The following KDM6A variants were observed in gnomAD, a reference collection of about 807,000 sequenced individuals.
The protein encoded by KDM6A is lysine demethylase 6A, also known as lysine-specific demethylase 6A.
Under a neutral mutation model 117.6 loss-of-function variants are expected in KDM6A, and 11 were observed. That is an observed-to-expected ratio of 0.09 (90% CI 0.06 to 0.15). The LOEUF (loss-of-function observed/expected upper bound fraction) is 0.15, where lower values mean the gene tolerates loss of function less well. Among genes scored for constraint, KDM6A ranks in the 10% least tolerant of loss-of-function variants. The probability of loss-of-function intolerance (pLI) is 1.00; values close to 1 mark genes in which losing one functional copy is unlikely to be tolerated. For missense variants in KDM6A, 799 were observed against 1,077.3 expected (o/e 0.74, Z 3.62); for synonymous variants, 384 against 396.1 (o/e 0.97, Z 0.36).
At position 45,053,954 on chromosome X, in the gene KDM6A, A is replaced by C; in HGVS notation, c.874A>C (p.Arg292=). ...TGGCCAGTCCTGGTATTTCCTCGGA[A>C]GGTGAGACTTACCAGACATTTATGT... ...NSGQSWYFLG[R]CYSSIGKVQD... Residue 292 remains arginine, a splice_region_variant and synonymous_variant, in exon 10 of 30, where the codon AGG becomes CGG. Transcript: ENST00000611820. 1 of 1,208,157 alleles carries C rather than the reference A, an allele frequency of 8.3e-7. No homozygotes were observed. The highest frequency in any genetic ancestry group is 1.1e-6 in the Non-Finnish European group (1 of 892,189).
At chrX:45,083,646 A>G (rs754097716) in intron 24 of KDM6A, 38 bp downstream of exon 24, 15 of 1,103,336 alleles carry the variant, frequency 1.4e-5, no homozygotes, top group Non-Finnish European at 1.7e-5. Context: ...TTAAAATGGA[A>G]AACAAAATCA....
At chrX:45,105,049 A>G (rs927258149) in intron 27 of KDM6A, among the ~76,000 whole-genome samples, 1 of 111,641 alleles carries the variant, frequency 9.0e-6, no homozygotes, top group Non-Finnish European at 1.9e-5. Flanking sequence ...AAGTAGCCTG[A>G]TACTCCATAG....
At chrX:45,106,311 A>T (rs2046529135) in intron 27 of KDM6A, among the ~76,000 whole-genome samples, 1 of 111,482 alleles carries the variant, frequency 9.0e-6, no homozygotes. Flanking sequence ...ACGGGTTCTG[A>T]TACATAACAA....
Position 45,089,972 on chromosome X carries a change from G to A in KDM6A, c.3892+42G>A, listed in dbSNP as rs186387742. ...GCTTTAAAAAAGTTAATTTATAAAG[G>A]ATTATATCCAATAGGACTGTTCCTT... On this transcript the variant is annotated intron_variant, in intron 26 of 29. Coordinates refer to ENST00000611820, the MANE Select transcript of KDM6A (RefSeq NM_001291415.2). The A allele has an allele frequency of 1.2e-3, 1,290 of 1,071,727 alleles. 1 individual carries two copies. Among genetic ancestry groups the A allele is most frequent in the Non-Finnish European group, 1.4e-3 (1,084 of 778,863 alleles). The allele number at this position is 1,071,727 out of a possible 1,213,427, so 88.3% of individuals were successfully genotyped here.
intron 28 of KDM6A, 122 bp downstream of exon 28, chrX:45,107,658 A>G: frequency 1.5e-6 from 1 of 651,450 alleles, no homozygotes; most frequent in Non-Finnish European, 2.3e-6. Context: ...AGTAATTAAC[A>G]TTGGATTCAA....
Position 44,961,199 on chromosome X carries a change from T to C in KDM6A, c.226-85T>C, listed in dbSNP as rs192222292. On this transcript the variant is annotated intron_variant, in intron 2 of 29. Transcript: ENST00000611820. ...AATATTGACTTCTTAGGTGATCGAA[T>C]GGAGGCTATATGCATTATCTTGGGG... 98 of 623,655 alleles carry C rather than the reference T, an allele frequency of 1.6e-4. No homozygotes were observed. In the African/African-American group the frequency reaches 1.7e-3, roughly 11 times the overall value. 51.4% of individuals were successfully genotyped at this position (623,655 alleles called of 1,213,427 possible).
chrX:45,019,298 C>T (rs949654336), intron 5 of KDM6A, among the ~76,000 whole-genome samples: 3 of 111,189 alleles, frequency 2.7e-5, no homozygotes, highest in Non-Finnish European at 5.7e-5. Context: ...ATCCACCTAA[C>T]AGATGGATAC....
intron 27 of KDM6A, chrX:45,107,120 G>A (rs1403721389): frequency 4.4e-6 from 1 of 225,635 alleles, no homozygotes; most frequent in Non-Finnish European, 8.0e-6. Flanking sequence ...GCCAAAATTA[G>A]CAACTCACAT....
intron 25 of KDM6A, among the ~76,000 whole-genome samples, chrX:45,087,632 A>G (rs757624694): frequency 4.5e-5 from 5 of 112,198 alleles, no homozygotes; most frequent in Non-Finnish European, 9.4e-5. Flanking sequence ...TATTTCTTAA[A>G]CTTTGAGTTA....
At chrX:44,876,905 ATATACG>A (rs958610563) in intron 2 of KDM6A, among the ~76,000 whole-genome samples, 7 of 111,431 alleles carry the variant, frequency 6.3e-5, no homozygotes, top group Non-Finnish European at 1.3e-4. Context: ...ACACGTATAC[ATATACG>A]TATACACACA....
intron 8 of KDM6A, among the ~76,000 whole-genome samples, chrX:45,039,838 G>A (rs1216284395): frequency 2.7e-5 from 1 of 37,607 alleles, no homozygotes; most frequent in African/African-American, 1.1e-4. Flanking sequence ...TAAGGTCACA[G>A]ATCAACAGGA....
chrX:45,071,286 A>T (rs1416811692), intron 18 of KDM6A, among the ~76,000 whole-genome samples: 1 of 112,392 alleles, frequency 8.9e-6, no homozygotes, highest in Non-Finnish European at 1.9e-5. Flanking sequence ...GAAAATAACC[A>T]TTCTATAAAT....
Position 44,987,852 on chromosome X carries a change from A to T in KDM6A, c.384+13137A>T, listed in dbSNP as rs747701126. On this transcript the variant is annotated intron_variant, in intron 4 of 29. Coordinates refer to ENST00000611820, the MANE Select transcript of KDM6A (RefSeq NM_001291415.2). ...GGCTGCCCTTAACATTTTTTCCTTC[A>T]TTTCAACTTTGGTGAATCTGACCAT... Among the ~76,000 whole-genome samples the T allele has an allele frequency of 1.1e-4, 12 of 110,303 alleles. No homozygotes were observed. In the South Asian group the frequency reaches 4.7e-3, roughly 43 times the overall value.
intron 2 of KDM6A, among the ~76,000 whole-genome samples, chrX:44,922,469 A>AT (rs1194523208): frequency 1.8e-5 from 2 of 109,195 alleles, no homozygotes; most frequent in Non-Finnish European, 1.9e-5. Context: ...TCTAATTTGA[A>AT]TTTTTTTTTG....
At chrX:44,925,625 A>G (rs1158551163) in intron 2 of KDM6A, among the ~76,000 whole-genome samples, 3 of 112,139 alleles carry the variant, frequency 2.7e-5, no homozygotes, top group Non-Finnish European at 5.6e-5. Flanking sequence ...AAATTTGAAT[A>G]GTATGTGACA....
Position 45,079,301 on chromosome X carries a change from A to G in KDM6A, c.3250A>G (p.Ile1084Val). 1 of 1,201,507 alleles carries G rather than the reference A, an allele frequency of 8.3e-7. No homozygotes were observed. The highest frequency in any genetic ancestry group is 1.1e-6 in the Non-Finnish European group (1 of 886,520). Residue 1084 changes from isoleucine to valine, a missense_variant, in exon 21 of 30, where the codon ATT becomes GTT. Around this residue, in one of 8 missense-constraint regions of KDM6A, gnomAD observed 291 missense variants for 437.9 expected, o/e 0.66. Coordinates refer to ENST00000611820, the MANE Select transcript of KDM6A (RefSeq NM_001291415.2). ...TGAAAGTAATAGATCTCATACTACA[A>G]TTGCTAAATATGCACAGTACCAGGC... is the stretch of plus-strand genomic sequence containing the variant. ...HCESNRSHTT[I>V]AKYAQYQASS...
chrX:44,990,878 A>G (rs1391621622), intron 4 of KDM6A, among the ~76,000 whole-genome samples: 2 of 111,920 alleles, frequency 1.8e-5, no homozygotes, highest in Non-Finnish European at 3.8e-5. Context: ...TTCTTCTGTT[A>G]TCAGTATTGT....
intron 2 of KDM6A, among the ~76,000 whole-genome samples, chrX:44,881,939 C>T (rs2032348451): frequency 9.0e-6 from 1 of 110,680 alleles, no homozygotes. Context: ...CCCCCCGCGT[C>T]GGCCTCCTGA....
intron 2 of KDM6A, among the ~76,000 whole-genome samples, chrX:44,876,958 CGCACGTATATGAATACGTATAT>C (rs1569323005): frequency 1.1e-5 from 1 of 89,248 alleles, no homozygotes; most frequent in African/African-American, 6.3e-5. Flanking sequence ...TACGTATATA[CGCACGTATATGAATACGTATAT>C]ACACGTATAC....
Sources: allele counts gnomAD v4.1 joint callset (sites outside exome capture counted in the v4.1 genomes callset), GRCh38; gene constraint gnomAD v4.1.1; regional missense constraint gnomAD v4.1.1; transcripts MANE v1.5; gene names NCBI Gene and HGNC (gene_info 2026-07-23, HGNC 2026-07-21).